The following MXD4 variants were observed in gnomAD, a reference collection of about 807,000 sequenced individuals.
The protein encoded by MXD4 is MAX dimerization protein 4.
Under a neutral mutation model 24.5 loss-of-function variants are expected in MXD4, and 16 were observed. The ratio of observed to expected loss-of-function variants is 0.65; its 90% confidence interval spans 0.44 to 0.99. The LOEUF is 0.99. Ranked by LOEUF, MXD4 falls within the 50% of genes least tolerant of loss-of-function variation. MXD4 has a pLI of 0.00. For synonymous variants in MXD4, 164 were observed against 134.2 expected (o/e 1.22, Z -1.54); for missense variants, 301 against 301.5 (o/e 1.00, Z 0.01).
intron 3 of MXD4, among the ~76,000 whole-genome samples, chr4:2,257,739 C>T (rs374912936): frequency 3.0e-4 from 45 of 152,240 alleles, no homozygotes; most frequent in African/African-American, 1.0e-3. Flanking sequence ...CATCTCTCAC[C>T]CCCACCTGGA....
chr4:2,258,017 T>G lies in MXD4; in HGVS notation c.165-6A>C. On this transcript the variant is annotated splice_polypyrimidine_tract_variant and splice_region_variant and intron_variant, in intron 2 of 5. Coordinates refer to ENST00000337190, the MANE Select transcript of MXD4 (RefSeq NM_006454.3). Reference sequence around the variant, plus strand: ...CTAGCTCGTTGTGTGAAGACCTGTTTAGAAAGACAGAAAGACAGAGCTCAC... The same window carrying G: ...CTAGCTCGTTGTGTGAAGACCTGTTGAGAAAGACAGAAAGACAGAGCTCAC... 1.2e-6 allele frequency: 2 copies of G among 1,613,594 alleles called. No individual in the cohort carries two copies. Among genetic ancestry groups the G allele is most frequent in the Non-Finnish European group, 1.7e-6 (2 of 1,179,926 alleles).
At position 2,248,602 on chromosome 4, in the gene MXD4, A is replaced by C. The variant is rs1315944842; in HGVS notation, c.*1942T>G. On this transcript the variant is annotated 3_prime_UTR_variant, in exon 6 of 6. Coordinates refer to ENST00000337190, the MANE Select transcript of MXD4 (RefSeq NM_006454.3). ...CACCCCTGGACCCCAGTGGGGCCGG[A>C]AGGAGATGCAGACAGGCCTCCTCAC... The C allele has an allele frequency of 1.3e-5, 2 of 152,356 alleles. No individual in the cohort carries two copies. The highest frequency in any genetic ancestry group is 2.9e-5 in the Non-Finnish European group (2 of 68,164). 9.4% of individuals were successfully genotyped at this position (152,356 alleles called of 1,614,324 possible). A position where few individuals can be genotyped will look rare whatever the true frequency, so the allele number is the denominator to read the frequency against.
intron 2 of MXD4, chr4:2,259,198 G>A (rs993449300): frequency 2.1e-5 from 7 of 335,402 alleles, no homozygotes; most frequent in East Asian, 1.9e-4. Context: ...GGGATCTGGC[G>A]TCTCCTGTCC....
chr4:2,252,620 G>A lies in MXD4; in HGVS notation c.195-98C>T, dbSNP rs565381766. The A allele has an allele frequency of 2.4e-5, 18 of 765,066 alleles. No individual in the cohort carries two copies. In the East Asian group the frequency reaches 4.3e-4, roughly 18 times the overall value. 47.4% of individuals were successfully genotyped at this position (765,066 alleles called of 1,614,324 possible). On this transcript the variant is annotated intron_variant, in intron 3 of 5. Transcript: ENST00000337190. The stretch of plus-strand genomic sequence containing the variant: ...AGACCCACCCCCACCATCCACTGCT[G>A]CACATGTGCTGAGGGTCCCTCTCTA...
Position 2,251,174 on chromosome 4 carries a change from G to T in MXD4, c.382C>A (p.Arg128=). The part of the protein sequence containing the change: ...QLQQEHRFLK[R]RLEQLSVQSV... ...TGCACCGACAGCTGCTCCAGGCGCC[G>T]CTTCAGGAAACGATGCTCCTGCTGC... Residue 128 remains arginine, a synonymous_variant, in exon 5 of 6, where the codon CGG becomes AGG. Transcript: ENST00000337190. 1 of 1,603,416 alleles carries T rather than the reference G, an allele frequency of 6.2e-7. No homozygotes were observed. Among genetic ancestry groups the T allele is most frequent in the Non-Finnish European group, 8.5e-7 (1 of 1,174,870 alleles).
intron 3 of MXD4, chr4:2,255,410 G>T: frequency 2.2e-6 from 1 of 456,196 alleles, no homozygotes; most frequent in South Asian, 1.5e-5. Context: ...CCAAAACCCA[G>T]TAACAGGTCC....
intron 3 of MXD4, chr4:2,254,365 A>G (rs1735382611): frequency 6.6e-6 from 1 of 152,236 alleles, no homozygotes; most frequent in Non-Finnish European, 1.5e-5. Flanking sequence ...AAAATAAAAG[A>G]GCAGACGCAC....
chr4:2,261,430 C>CGGGGGCG (rs1316596674), intron 2 of MXD4, among the ~76,000 whole-genome samples: 1 of 152,166 alleles, frequency 6.6e-6, no homozygotes, highest in Non-Finnish European at 1.5e-5. Flanking sequence ...CAGAACAACT[C>CGGGGGCG]GGGGGCGGGG....
intron 2 of MXD4, chr4:2,258,742 G>A (rs889229213): frequency 5.5e-5 from 20 of 362,364 alleles, no homozygotes; most frequent in Middle Eastern, 8.5e-4. Flanking sequence ...CTTCTGAGAT[G>A]TGGATGCTTC....
chr4:2,251,321 C>T, intron 4 of MXD4, 75 bp from the exon 5 acceptor site: 1 of 1,446,764 alleles, frequency 6.9e-7, no homozygotes, highest in East Asian at 2.5e-5. Context: ...CACTGGGGCA[C>T]CCAGGCCTGG....
rs7665852 is a variant in MXD4 at position 2,255,390 on chromosome 4, C to A, written c.194+2592G>T. On this transcript the variant is annotated intron_variant, in intron 3 of 5. Coordinates refer to ENST00000337190, the MANE Select transcript of MXD4 (RefSeq NM_006454.3). The stretch of plus-strand genomic sequence containing the variant: ...CAAACAGAAGCCATCTGACCACACA[C>A]ACGCACTGTCCAAAACCCAGTAACA... 609 of 456,268 alleles carry A rather than the reference C, an allele frequency of 1.3e-3. 2 individuals are homozygous for A. Among genetic ancestry groups the A allele is most frequent in the African/African-American group, 0.011 (550 of 50,192 alleles). 28.3% of individuals were successfully genotyped at this position (456,268 alleles called of 1,614,324 possible).
At chr4:2,255,420 C>T in intron 3 of MXD4, 1 of 456,078 alleles carries the variant, frequency 2.2e-6, no homozygotes, top group East Asian at 7.0e-5. Flanking sequence ...GTAACAGGTC[C>T]ACCTGGCCCA....
At chr4:2,250,738 C>G (rs1735302862) in intron 5 of MXD4, 37 bp from the exon 6 acceptor site, 1 of 1,595,158 alleles carries the variant, frequency 6.3e-7, no homozygotes, top group Non-Finnish European at 8.6e-7. Context: ...TCAGGCCACT[C>G]TGAGGGTGCC....
chr4:2,251,616 T>C (rs888352257), intron 4 of MXD4, among the ~76,000 whole-genome samples: 1 of 152,228 alleles, frequency 6.6e-6, no homozygotes, highest in Non-Finnish European at 1.5e-5. Context: ...ACAGCGGGTC[T>C]CCTCACACAC....
chr4:2,254,939 G>C (rs1735395544), intron 3 of MXD4: 1 of 226,918 alleles, frequency 4.4e-6, no homozygotes. Context: ...CCGCCAACCA[G>C]CATCTCTACT....
rs2108786586 is a variant in MXD4 at position 2,247,941 on chromosome 4, G to C, written c.*2603C>G. On this transcript the variant is annotated 3_prime_UTR_variant, in exon 6 of 6. Transcript: ENST00000337190. The stretch of plus-strand genomic sequence containing the variant: ...TATGCGGGAGCTGCCTTCCAATAAG[G>C]CTGGGGAACCCAAGCCTGAGTCTGG... 1 of 152,560 alleles carries C rather than the reference G, an allele frequency of 6.6e-6. No individual in the cohort carries two copies. Among genetic ancestry groups the C allele is most frequent in the African/African-American group, 2.4e-5 (1 of 41,596 alleles). The allele number at this position is 152,560 out of a possible 1,614,324, so 9.5% of individuals were successfully genotyped here.
chr4:2,251,445 G>A lies in MXD4; in HGVS notation c.310-199C>T, dbSNP rs1023914281. Among the ~76,000 whole-genome samples the A allele has an allele frequency of 7.9e-5, 12 of 152,318 alleles. 2 individuals are homozygous for A. Among genetic ancestry groups the A allele is most frequent in the Admixed American group, 3.9e-4 (6 of 15,308 alleles). On this transcript the variant is annotated intron_variant, in intron 4 of 5. Transcript: ENST00000337190. ...GGGTCCCTCCCTGCCCCAGCCAGGC[G>A]GTCACAGTCAGATGCCACCTCCCAG...
chr4:2,259,355 G>A (rs1166779166), intron 2 of MXD4, among the ~76,000 whole-genome samples: 1 of 152,224 alleles, frequency 6.6e-6, no homozygotes, highest in Admixed American at 6.5e-5. Context: ...AGGAGCCTCC[G>A]AATCACTGCC....
intron 2 of MXD4, among the ~76,000 whole-genome samples, chr4:2,260,376 TGAA>T (rs1269686755): frequency 2.6e-5 from 4 of 152,128 alleles, no homozygotes; most frequent in Non-Finnish European, 4.4e-5. Context: ...GAGCCTGGGG[TGAA>T]GATGAACTGG....
Sources: allele counts gnomAD v4.1 joint callset (sites outside exome capture counted in the v4.1 genomes callset), GRCh38; gene constraint gnomAD v4.1.1; transcripts MANE v1.5; gene names NCBI Gene and HGNC (gene_info 2026-07-23, HGNC 2026-07-21).